Variants in MOB3B observed in about 807,000 individuals in gnomAD.
MOB3B encodes MOB kinase activator-like 2B.
MOB3B carries 7 observed loss-of-function variants against 18.7 expected under a neutral mutation model. The observed-to-expected ratio is 0.37, with a 90% CI of 0.21 to 0.70. MOB3B has a LOEUF of 0.70. Among genes scored for constraint, MOB3B ranks in the 30% least tolerant of loss-of-function variants. The pLI, the probability that MOB3B is intolerant of heterozygous loss-of-function variation, is 0.52. For missense variants in MOB3B, 253 were observed against 281.3 expected, an observed-to-expected ratio of 0.90 and a Z score of 0.72; for synonymous variants, 111 against 99.9, an observed-to-expected ratio of 1.11 and a Z score of -0.66.
intron 3 of MOB3B, among the ~76,000 whole-genome samples, chr9:27,336,047 C>T (rs570921664): frequency 3.9e-5 from 6 of 152,336 alleles, no homozygotes; most frequent in African/African-American, 7.2e-5. Context: ...GAAGGAAACA[C>T]GCATTTCATA....
intron 2 of MOB3B, among the ~76,000 whole-genome samples, chr9:27,364,326 C>G (rs1245291189): frequency 6.6e-6 from 1 of 152,144 alleles, no homozygotes; most frequent in African/African-American, 2.4e-5. Context: ...ACGATAGACC[C>G]TCCACTTCAG....
intron 2 of MOB3B, among the ~76,000 whole-genome samples, chr9:27,368,379 CACACACAT>C (rs1215448220): frequency 5.1e-4 from 77 of 150,732 alleles, no homozygotes; most frequent in African/African-American, 1.9e-3. Flanking sequence ...CACACACACA[CACACACAT>C]ACAGAGAGGG....
At chr9:27,364,871 C>T (rs1053853438) in intron 2 of MOB3B, among the ~76,000 whole-genome samples, 3 of 152,146 alleles carry the variant, frequency 2.0e-5, no homozygotes, top group Admixed American at 1.3e-4. Context: ...TGATAGCAGT[C>T]TTGGCATTAA....
chr9:27,332,767 G>A (rs1820806965), intron 3 of MOB3B, among the ~76,000 whole-genome samples: 1 of 152,156 alleles, frequency 6.6e-6, no homozygotes, highest in African/African-American at 2.4e-5. Flanking sequence ...TATTGATGAG[G>A]AAAAACCCTC....
intron 1 of MOB3B, among the ~76,000 whole-genome samples, chr9:27,490,349 ACACT>A (rs1487998611): frequency 6.6e-6 from 1 of 152,156 alleles, no homozygotes; most frequent in Non-Finnish European, 1.5e-5. Context: ...ACAGACACAC[ACACT>A]CACACCCCTG....
intron 2 of MOB3B, among the ~76,000 whole-genome samples, chr9:27,363,420 C>T (rs550813068): frequency 1.4e-4 from 22 of 152,060 alleles, no homozygotes; most frequent in Non-Finnish European, 1.9e-4. Context: ...AGGCGCCCGC[C>T]GCCACGCCCG....
chr9:27,359,181 A>G lies in MOB3B; in HGVS notation c.474T>C (p.Leu158=). ...LQICKKILCR[L]FRVFVHVYIH... is the part of the protein sequence containing the mutation. ...TATAGACGTGGACAAAGACCCGGAAAAGGCGGCACAGGATCTTCTTGCAGA... is the reference window on the plus strand; with the variant it reads ...TATAGACGTGGACAAAGACCCGGAAGAGGCGGCACAGGATCTTCTTGCAGA... Residue 158 remains leucine, a synonymous_variant, in exon 3 of 4, where the codon CTT becomes CTC. Transcript: ENST00000262244. 6.2e-7 allele frequency: 1 copy of G among 1,614,204 alleles called. No homozygotes were observed. Among genetic ancestry groups the G allele is most frequent in the Non-Finnish European group, 8.5e-7 (1 of 1,180,042 alleles).
chr9:27,352,837 C>T (rs531064916), intron 3 of MOB3B, among the ~76,000 whole-genome samples: 3 of 152,260 alleles, frequency 2.0e-5, no homozygotes, highest in South Asian at 2.1e-4. Context: ...TTAAATTGGG[C>T]GGGCTACACA....
At position 27,407,018 on chromosome 9, in the gene MOB3B, T is replaced by A. The variant is rs1821991051; in HGVS notation, c.419-47782A>T. 2.0e-5 allele frequency among the ~76,000 whole-genome samples: 3 copies of A among 152,188 alleles called. No homozygotes were observed. In the South Asian group the frequency reaches 6.2e-4, roughly 32 times the overall value. ...CATGCCTGGCTAATTTTTGTATTAT[T>A]ATTAGCGACGGGGTTTCACCATGTT... On this transcript the variant is annotated intron_variant, in intron 2 of 3. Transcript: ENST00000262244.
intron 1 of MOB3B, among the ~76,000 whole-genome samples, chr9:27,481,223 A>G (rs1349151177): frequency 6.6e-6 from 1 of 152,264 alleles, no homozygotes; most frequent in East Asian, 1.9e-4. Context: ...ACTGTGCAAC[A>G]AACAGCACAA....
rs1401308901 is a variant in MOB3B at position 27,375,663 on chromosome 9, G to A, written c.419-16427C>T. 3.3e-5 allele frequency among the ~76,000 whole-genome samples: 5 copies of A among 152,240 alleles called. No individual in the cohort carries two copies. In the East Asian group the frequency reaches 7.7e-4, roughly 24 times the overall value. On this transcript the variant is annotated intron_variant, in intron 2 of 3. Transcript: ENST00000262244. ...CCACACTCACCCCATGCATCCTGAG[G>A]AGCCTCTAGCAACCCCTGCTGCCTA...
At chr9:27,405,043 T>C (rs1363848836) in intron 2 of MOB3B, among the ~76,000 whole-genome samples, 2 of 150,694 alleles carry the variant, frequency 1.3e-5, no homozygotes, top group Non-Finnish European at 3.0e-5. Context: ...CATGTACCTG[T>C]TAGCCATTTG....
chr9:27,435,603 A>G (rs969757137), intron 2 of MOB3B, among the ~76,000 whole-genome samples: 1 of 151,816 alleles, frequency 6.6e-6, no homozygotes, highest in Non-Finnish European at 1.5e-5. Flanking sequence ...TTGTTTGTTT[A>G]TTTATTTATT....
intron 3 of MOB3B, among the ~76,000 whole-genome samples, chr9:27,349,273 A>G (rs1821072955): frequency 6.6e-6 from 1 of 152,228 alleles, no homozygotes; most frequent in Admixed American, 6.5e-5. Flanking sequence ...CTGAGACCAC[A>G]CAAGTGACCA....
chr9:27,515,023 T>C lies in MOB3B; in HGVS notation c.-199+14532A>G, dbSNP rs1227063583. On this transcript the variant is annotated intron_variant, in intron 1 of 3. Coordinates refer to ENST00000262244, the MANE Select transcript of MOB3B (RefSeq NM_024761.5). Reference sequence around the variant, plus strand: ...TTTCCTTCTCCTGAAGACTTAGTTTTGTTGTTGCTTCATTTGGCCTTTTGG... The same window carrying C: ...TTTCCTTCTCCTGAAGACTTAGTTTCGTTGTTGCTTCATTTGGCCTTTTGG... Among the ~76,000 whole-genome samples the C allele has an allele frequency of 2.6e-5, 4 of 152,240 alleles. No homozygotes were observed. The East Asian group carries it at 7.7e-4, about 29-fold the overall frequency.
chr9:27,448,812 G>C (rs934613802), intron 2 of MOB3B, among the ~76,000 whole-genome samples: 4 of 152,134 alleles, frequency 2.6e-5, no homozygotes, highest in African/African-American at 9.7e-5. Flanking sequence ...CAGAGTCTTG[G>C]AAAAACTTGC....
intron 3 of MOB3B, among the ~76,000 whole-genome samples, chr9:27,354,018 G>T (rs945343135): frequency 6.6e-6 from 1 of 152,206 alleles, no homozygotes; most frequent in South Asian, 2.1e-4. Context: ...GATCTGTCAC[G>T]TCTGTGTCTG....
intron 3 of MOB3B, among the ~76,000 whole-genome samples, chr9:27,348,907 G>A (rs542405778): frequency 1.6e-4 from 24 of 152,336 alleles, no homozygotes; most frequent in Non-Finnish European, 3.1e-4. Flanking sequence ...GGACAATTAG[G>A]CCTAGACTTG....
At chr9:27,413,339 G>A (rs1340097622) in intron 2 of MOB3B, among the ~76,000 whole-genome samples, 1 of 147,264 alleles carries the variant, frequency 6.8e-6, no homozygotes, top group Admixed American at 6.7e-5. Flanking sequence ...TTTTTTTTTT[G>A]TGGAGCTTAA....
Sources: allele counts gnomAD v4.1 joint callset (sites outside exome capture counted in the v4.1 genomes callset), GRCh38; gene constraint gnomAD v4.1.1; transcripts MANE v1.5; gene names NCBI Gene and HGNC (gene_info 2026-07-23, HGNC 2026-07-21).